TTC8: variants seen among roughly 807,000 people sequenced by gnomAD.
The protein encoded by TTC8 is tetratricopeptide repeat protein 8.
Under a neutral mutation model 72.5 loss-of-function variants are expected in TTC8, and 47 were observed. The observed-to-expected ratio is 0.65, with a 90% CI of 0.51 to 0.83. The LOEUF (loss-of-function observed/expected upper bound fraction) is 0.83. Ranked by LOEUF, TTC8 falls within the 40% of genes least tolerant of loss-of-function variation. TTC8 has a pLI of 0.00. For synonymous variants in TTC8, 199 were observed against 221.4 expected, an observed-to-expected ratio of 0.90 and a Z score of 0.90; for missense variants, 611 against 623.2, an observed-to-expected ratio of 0.98 and a Z score of 0.21.
rs1434489384 is a variant in TTC8 at position 88,871,498 on chromosome 14, A to C, written c.1050-51A>C. 3.2e-6 allele frequency: 5 copies of C among 1,557,742 alleles called. No homozygotes were observed. Among genetic ancestry groups the C allele is most frequent in the Non-Finnish European group, 4.4e-6 (5 of 1,136,142 alleles). On this transcript the variant is annotated intron_variant, in intron 11 of 14. Coordinates refer to ENST00000380656, the MANE Select transcript of TTC8 (RefSeq NM_144596.4). This position sits in a 1 kb window ranked among gnomAD's most constrained non-coding sequence, Gnocchi z 4.1. ...TAAAATATATATATATATGTCTTAAAACTTACAAAGTTGGTCTGACACCAA... is the reference window on the plus strand; with the variant it reads ...TAAAATATATATATATATGTCTTAACACTTACAAAGTTGGTCTGACACCAA...
chr14:88,830,055 C>T (rs2094719058), intron 1 of TTC8, among the ~76,000 whole-genome samples: 1 of 152,206 alleles, frequency 6.6e-6, no homozygotes, highest in Admixed American at 6.5e-5. Flanking sequence ...TGAAATCCAT[C>T]AATTCCTCTA....
At chr14:88,869,754 C>G (rs2094925835) in intron 10 of TTC8, among the ~76,000 whole-genome samples, 2 of 152,154 alleles carry the variant, frequency 1.3e-5, no homozygotes, top group Admixed American at 6.5e-5. Context: ...CAAAGTGGCC[C>G]CTTCCGCCAC....
At chr14:88,826,350 A>G (rs1460523114) in intron 1 of TTC8, among the ~76,000 whole-genome samples, 1 of 151,984 alleles carries the variant, frequency 6.6e-6, no homozygotes, top group Non-Finnish European at 1.5e-5. Flanking sequence ...ACAATCAAAT[A>G]TGTTTGGGAC....
intron 1 of TTC8, among the ~76,000 whole-genome samples, chr14:88,828,127 C>G (rs984769941): frequency 4.6e-5 from 7 of 152,164 alleles, no homozygotes; most frequent in African/African-American, 1.7e-4. Flanking sequence ...TGTACACTTA[C>G]TTTTTCAAAT....
At chr14:88,866,409 A>G (rs1055238792) in intron 10 of TTC8, among the ~76,000 whole-genome samples, 1 of 151,518 alleles carries the variant, frequency 6.6e-6, no homozygotes, top group African/African-American at 2.4e-5. Flanking sequence ...ACACACACAC[A>G]CACACGCACA....
Position 88,871,576 on chromosome 14 carries a change from C to A in TTC8, c.1077C>A (p.Asn359Lys), listed in dbSNP as rs150896551. Residue 359 changes from asparagine (N) to lysine (K), a missense_variant, in exon 12 of 15, where the codon AAC (asparagine) becomes AAA (lysine). Coordinates refer to ENST00000380656, the MANE Select transcript of TTC8 (RefSeq NM_144596.4). This position sits in a 1 kb window ranked among gnomAD's most constrained non-coding sequence, Gnocchi z 4.1. Reference sequence around the variant, plus strand: ...GGCTGCTGCAGATGGGCATTTATAACGGCCAGCTTTTTAACAATCTGGGGC... The same window carrying A: ...GGCTGCTGCAGATGGGCATTTATAAAGGCCAGCTTTTTAACAATCTGGGGC... ...YRRLLQMGIY[N>K]GQLFNNLGLC... 1.2e-6 allele frequency: 2 copies of A among 1,613,970 alleles called. No individual in the cohort carries two copies. The highest frequency in any genetic ancestry group is 1.7e-6 in the Non-Finnish European group (2 of 1,179,988).
At chr14:88,849,602 G>A (rs1223924566) in intron 7 of TTC8, among the ~76,000 whole-genome samples, 1 of 152,026 alleles carries the variant, frequency 6.6e-6, no homozygotes, top group Non-Finnish European at 1.5e-5. Flanking sequence ...CATGGAAAAC[G>A]ATTTTTCTGT....
At chr14:88,858,161 C>T (rs899157828) in intron 9 of TTC8, among the ~76,000 whole-genome samples, 4 of 152,052 alleles carry the variant, frequency 2.6e-5, no homozygotes, top group Non-Finnish European at 4.4e-5. Context: ...GGGGTTTCAC[C>T]ATGTTGGCCA....
chr14:88,879,016 T>C (rs1566865102), downstream of TTC8: 1 of 152,068 alleles, frequency 6.6e-6, no homozygotes, highest in African/African-American at 2.4e-5. Context: ...CTGCTGTAAA[T>C]AAATCTACTA....
At chr14:88,857,161 T>C (rs1372662672) in intron 8 of TTC8, 29 bp from the exon 9 acceptor site, 1 of 1,593,256 alleles carries the variant, frequency 6.3e-7, no homozygotes, top group Non-Finnish European at 8.6e-7. Context: ...TTAAGTTGAA[T>C]GTCTAATTCT....
chr14:88,854,764 C>G (rs1406291888), intron 8 of TTC8, among the ~76,000 whole-genome samples: 2 of 152,268 alleles, frequency 1.3e-5, no homozygotes, highest in African/African-American at 4.8e-5. Context: ...TGGCTCACTG[C>G]AGCCTCAATC....
At chr14:88,861,364 G>T in intron 10 of TTC8, 32 bp downstream of exon 10, 1 of 1,451,784 alleles carries the variant, frequency 6.9e-7, no homozygotes, top group South Asian at 1.2e-5. Context: ...ATTATTTATT[G>T]ATACACAATA....
At chr14:88,850,319 CA>C (rs1325179607) in intron 7 of TTC8, among the ~76,000 whole-genome samples, 2 of 152,178 alleles carry the variant, frequency 1.3e-5, no homozygotes, top group African/African-American at 4.8e-5. Flanking sequence ...CTTCTGTGCA[CA>C]GCAATATTCC....
intron 10 of TTC8, among the ~76,000 whole-genome samples, chr14:88,861,752 C>T (rs1489351998): frequency 6.6e-6 from 1 of 152,130 alleles, no homozygotes; most frequent in Non-Finnish European, 1.5e-5. Context: ...CTTTCTGTGC[C>T]TGGCTTATTT....
intron 1 of TTC8, among the ~76,000 whole-genome samples, chr14:88,829,285 C>T (rs1490745125): frequency 1.3e-5 from 2 of 152,024 alleles, no homozygotes; most frequent in African/African-American, 4.8e-5. Flanking sequence ...TTCTTTAAAT[C>T]GTGACTGAAA....
At chr14:88,859,450 G>A (rs188822913) in intron 9 of TTC8, among the ~76,000 whole-genome samples, 2 of 152,264 alleles carry the variant, frequency 1.3e-5, no homozygotes. Flanking sequence ...CTCACTATAA[G>A]TGGGAGCTAA....
At chr14:88,830,779 A>G in intron 1 of TTC8, 1 of 448,378 alleles carries the variant, frequency 2.2e-6, no homozygotes, top group South Asian at 1.6e-5. Flanking sequence ...TCACAGAACT[A>G]CAACTGAGAG....
intron 10 of TTC8, among the ~76,000 whole-genome samples, chr14:88,862,810 G>A (rs564307091): frequency 6.7e-6 from 1 of 150,218 alleles, no homozygotes; most frequent in African/African-American, 2.4e-5. Context: ...TCGAACTTCT[G>A]GCATCATGCT....
intron 2 of TTC8, among the ~76,000 whole-genome samples, chr14:88,837,537 C>T (rs986815001): frequency 1.3e-5 from 2 of 152,186 alleles, no homozygotes; most frequent in African/African-American, 4.8e-5. Context: ...TGGGAATGAA[C>T]AAGCAGAGCC....
Sources: allele counts gnomAD v4.1 joint callset (sites outside exome capture counted in the v4.1 genomes callset), GRCh38; gene constraint gnomAD v4.1.1; non-coding constraint Gnocchi (gnomAD v3.1); transcripts MANE v1.5; gene names NCBI Gene and HGNC (gene_info 2026-07-23, HGNC 2026-07-21).